Variants in ZSCAN20 observed in about 807,000 individuals in gnomAD.
The protein encoded by ZSCAN20 is zinc finger and SCAN domain-containing protein 20.
A neutral mutation model predicts 97.1 loss-of-function variants in ZSCAN20; 39 were observed. That is an observed-to-expected ratio of 0.40 (90% CI 0.31 to 0.52). ZSCAN20 has a LOEUF of 0.52. ZSCAN20 is among the 20% of genes least tolerant of loss of function. The pLI is 0.49. For synonymous variants in ZSCAN20, 456 were observed against 467.3 expected (o/e 0.98, Z 0.31); for missense variants, 1,115 against 1,290.4 (o/e 0.86, Z 2.08).
At position 33,494,387 on chromosome 1, in the gene ZSCAN20, A is replaced by G. The variant is rs1652754385; in HGVS notation, c.2043A>G (p.Ser681=). ...NEDEGQWGNP[S]QEQWQESSSE... is the part of the protein sequence containing the mutation. ...ATGAAGGGCAGTGGGGAAATCCCTCACAGGAACAGTGGCAAGAAAGTTCTT... is the reference window on the plus strand; with the variant it reads ...ATGAAGGGCAGTGGGGAAATCCCTCGCAGGAACAGTGGCAAGAAAGTTCTT... The change falls in exon 8 of 8, where the codon TCA becomes TCG. Residue 681 remains serine, a synonymous_variant. Coordinates refer to ENST00000684572, the MANE Select transcript of ZSCAN20 (RefSeq NM_001377376.1). The G allele has an allele frequency of 5.6e-6, 9 of 1,614,154 alleles. No homozygotes were observed. In the East Asian group the frequency reaches 2.0e-4, roughly 36 times the overall value.
In ZSCAN20 at chr1:33,490,650, AAC is replaced by A. The variant is rs372552175; in HGVS notation, c.767-342_767-341del. Among the ~76,000 whole-genome samples, 671 of 141,168 alleles carry A rather than the reference AAC, an allele frequency of 4.8e-3. 5 individuals carry two copies. The highest frequency in any genetic ancestry group is 0.014 in the African/African-American group (534 of 37,570). The allele number at this position is 141,168 out of a possible 152,430, so 92.6% of individuals were successfully genotyped here. A position where few individuals can be genotyped will look rare whatever the true frequency, so the allele number is the denominator to read the frequency against. On this transcript the variant is annotated intron_variant, in intron 5 of 7. Coordinates refer to ENST00000684572, the MANE Select transcript of ZSCAN20 (RefSeq NM_001377376.1). ...AGGACAGAGACTCACTACACACACA[AAC>A]ACACACACACACACACACACACACA...
chr1:33,490,091 T>A (rs1437695645), intron 5 of ZSCAN20, among the ~76,000 whole-genome samples: 1 of 152,202 alleles, frequency 6.6e-6, no homozygotes, highest in Non-Finnish European at 1.5e-5. Flanking sequence ...GGGAGCCGTT[T>A]CCCTGTGGAG....
intron 2 of ZSCAN20, among the ~76,000 whole-genome samples, chr1:33,485,718 T>G (rs1652339251): frequency 6.6e-6 from 1 of 152,158 alleles, no homozygotes; most frequent in African/African-American, 2.4e-5. Flanking sequence ...TGGACTGTCT[T>G]TTTTCTTAGT....
Position 33,479,123 on chromosome 1 carries a change from G to A in ZSCAN20, c.-110-56G>A, listed in dbSNP as rs531857561. ...GGCGGAAGATATGGGGGAAGGGGGA[G>A]AATGAAGCTTCTGCATCCTTTTGCT... On this transcript the variant is annotated intron_variant, in intron 1 of 7. Transcript: ENST00000684572. The A allele has an allele frequency of 4.5e-5, 31 of 685,380 alleles. 1 individual carries two copies. The highest frequency in any genetic ancestry group is 3.0e-4 in the Admixed American group (10 of 33,336). 42.5% of individuals were successfully genotyped at this position (685,380 alleles called of 1,614,324 possible).
chr1:33,498,031 T>C lies in ZSCAN20; in HGVS notation c.*2555T>C, dbSNP rs528797331. 1.8e-4 allele frequency among the ~76,000 whole-genome samples: 28 copies of C among 152,266 alleles called. No individual in the cohort carries two copies. The highest frequency in any genetic ancestry group is 4.6e-4 in the Admixed American group (7 of 15,284). ...AAAGGAAGAATTTCAGTTTCAAATA[T>C]TGGGCCTAGGACAGAGCTACTTGAT... On this transcript the variant is annotated 3_prime_UTR_variant, in exon 8 of 8. Coordinates refer to ENST00000684572, the MANE Select transcript of ZSCAN20 (RefSeq NM_001377376.1).
At chr1:33,483,245 G>A (rs780645937) in intron 2 of ZSCAN20, among the ~76,000 whole-genome samples, 207 of 110,066 alleles carry the variant, frequency 1.9e-3, no homozygotes, top group Non-Finnish European at 2.7e-3. Context: ...TGAAGGATAG[G>A]ATAGAAGCTT....
Position 33,479,688 on chromosome 1 carries a change from A to T in ZSCAN20, c.400A>T (p.Arg134Trp). Residue 134 changes from arginine (R) to tryptophan (W), a missense_variant, in exon 2 of 8, where the codon AGG becomes TGG. By Grantham distance (101) the Arg-to-Trp change is moderately radical (BLOSUM62 -3). Around this residue, in one of 3 missense-constraint regions of ZSCAN20, gnomAD observed 508 missense variants for 611.2 expected, o/e 0.83. Coordinates refer to ENST00000684572, the MANE Select transcript of ZSCAN20 (RefSeq NM_001377376.1). ...ALVEDWHRET[R>W]TAGQSGLELH... Reference sequence around the variant, plus strand: ...GGTGGAGGATTGGCACCGAGAGACCAGGACTGCAGGACAGTCGGTGAGACA... The same window carrying T: ...GGTGGAGGATTGGCACCGAGAGACCTGGACTGCAGGACAGTCGGTGAGACA... 1 of 1,553,548 alleles carries T rather than the reference A, an allele frequency of 6.4e-7. No homozygotes were observed. The highest frequency in any genetic ancestry group is 8.7e-7 in the Non-Finnish European group (1 of 1,153,376).
In ZSCAN20 at chr1:33,493,069, T is replaced by G. The variant is rs549830170; in HGVS notation, c.1445-118T>G. ...AGCAAAGGGATATTCTCCAGGTACC[T>G]GGATAGTTTCTGACATGCCTATGTT... is the stretch of plus-strand genomic sequence containing the variant. On this transcript the variant is annotated intron_variant, in intron 6 of 7. Transcript: ENST00000684572. The surrounding 1 kb of genome is among the most constrained non-coding windows in gnomAD (Gnocchi z 4.3). 22 of 1,068,594 alleles carry G rather than the reference T, an allele frequency of 2.1e-5. No individual in the cohort carries two copies. The highest frequency in any genetic ancestry group is 2.4e-5 in the Non-Finnish European group (18 of 744,596). 66.2% of individuals were successfully genotyped at this position (1,068,594 alleles called of 1,614,324 possible).
rs1013643757 is a variant in ZSCAN20 at position 33,488,709 on chromosome 1, G to A, written c.604+58G>A. 8 of 1,541,732 alleles carry A rather than the reference G, an allele frequency of 5.2e-6. No homozygotes were observed. The African/African-American group carries it at 9.7e-5, about 19-fold the overall frequency. ...CCTTCTGCAGGGGAGAGGGATGGGAGGTGAGGAAGGGTGCATGGGGAAGAA... is the reference window on the plus strand; with the variant it reads ...CCTTCTGCAGGGGAGAGGGATGGGAAGTGAGGAAGGGTGCATGGGGAAGAA... On this transcript the variant is annotated intron_variant, in intron 3 of 7. Transcript: ENST00000684572.
Position 33,491,489 on chromosome 1 carries a change from G to T in ZSCAN20, c.1231G>T (p.Ala411Ser), listed in dbSNP as rs1343109049. The T allele has an allele frequency of 5.0e-6, 8 of 1,613,958 alleles. No homozygotes were observed. The highest frequency in any genetic ancestry group is 6.8e-6 in the Non-Finnish European group (8 of 1,179,982). The change falls in exon 6 of 8, where the codon GCT (alanine) becomes TCT (serine). Residue 411 changes from alanine (A) to serine (S), a missense_variant. By Grantham distance (99) the Ala-to-Ser change is moderately conservative. This residue lies in a region of ZSCAN20 where 508 missense variants were observed against 611.2 expected (regional missense o/e 0.83). Transcript: ENST00000684572. The surrounding 1 kb of genome is among the most constrained non-coding windows in gnomAD (Gnocchi z 4.3). The part of the protein sequence containing the change: ...FYEELEALVR[A>S]RTAIRATDGP... The stretch of plus-strand genomic sequence containing the variant: ...TGAGGAGCTGGAGGCCCTGGTCAGG[G>T]CTCGGACAGCCATCAGAGCCACAGA...
In ZSCAN20 at chr1:33,493,764, C is replaced by T. The variant is rs561486843; in HGVS notation, c.1873+149C>T. The stretch of plus-strand genomic sequence containing the variant: ...TTCTGCTTTGCTCAGATTATCCAGT[C>T]TCTAGCTTTGTGTGATCCCCCGAAT... On this transcript the variant is annotated intron_variant, in intron 7 of 7. Transcript: ENST00000684572. This position sits in a 1 kb window ranked among gnomAD's most constrained non-coding sequence, Gnocchi z 4.3. 1.1e-5 allele frequency: 10 copies of T among 891,880 alleles called. No individual in the cohort carries two copies. The African/African-American group carries it at 1.7e-4, about 15-fold the overall frequency. 55.2% of individuals were successfully genotyped at this position (891,880 alleles called of 1,614,324 possible).
In ZSCAN20 at chr1:33,480,753, G is replaced by A. The variant is rs368891922; in HGVS notation, c.417+1048G>A. ...AAATGAAAGTATGGATTTAACATTCGCAGTTTCAACAATTTGCAAGTGACC... is the reference window on the plus strand; with the variant it reads ...AAATGAAAGTATGGATTTAACATTCACAGTTTCAACAATTTGCAAGTGACC... On this transcript the variant is annotated intron_variant, in intron 2 of 7. Coordinates refer to ENST00000684572, the MANE Select transcript of ZSCAN20 (RefSeq NM_001377376.1). 3.3e-5 allele frequency among the ~76,000 whole-genome samples: 5 copies of A among 152,260 alleles called. No individual in the cohort carries two copies. In the East Asian group the frequency reaches 5.8e-4, roughly 18 times the overall value.
intron 2 of ZSCAN20, among the ~76,000 whole-genome samples, chr1:33,483,356 A>C (rs1652228070): frequency 6.6e-6 from 1 of 151,706 alleles, no homozygotes; most frequent in Non-Finnish European, 1.5e-5. Flanking sequence ...TCAGTCGACT[A>C]TCTTTATGTG....
Position 33,495,153 on chromosome 1 carries a change from G to A in ZSCAN20, c.2809G>A (p.Gly937Arg), listed in dbSNP as rs370741667. The change falls in exon 8 of 8, where the codon GGG (glycine) becomes AGG (arginine). Residue 937 changes from glycine to arginine, a missense_variant. Coordinates refer to ENST00000684572, the MANE Select transcript of ZSCAN20 (RefSeq NM_001377376.1). Reference protein sequence around the residue: ...GEKPYKCVDCGKCFSERSKLI... With the variant: ...GEKPYKCVDCRKCFSERSKLI... ...GAAGCCGTATAAATGTGTGGACTGT[G>A]GGAAGTGCTTCAGTGAGCGCTCCAA... 5 of 1,613,924 alleles carry A rather than the reference G, an allele frequency of 3.1e-6. No individual in the cohort carries two copies. Among genetic ancestry groups the A allele is most frequent in the Admixed American group, 1.7e-5 (1 of 60,012 alleles).
chr1:33,491,019 T>C lies in ZSCAN20; in HGVS notation c.767-6T>C, dbSNP rs200299591. On this transcript the variant is annotated splice_region_variant and splice_polypyrimidine_tract_variant and intron_variant, in intron 5 of 7. Coordinates refer to ENST00000684572, the MANE Select transcript of ZSCAN20 (RefSeq NM_001377376.1). The surrounding 1 kb of genome is among the most constrained non-coding windows in gnomAD (Gnocchi z 4.3). ...TTCTACTCTGTCATTTCTCTTCCTT[T>C]TGTAGGAGTTCCAGTTTCAAAACCA... 1.9e-4 allele frequency: 299 copies of C among 1,588,644 alleles called. 2 individuals are homozygous for C. Among genetic ancestry groups the C allele is most frequent in the Non-Finnish European group, 3.2e-5 (38 of 1,169,964 alleles).
At position 33,500,497 on chromosome 1, in the gene ZSCAN20, G is replaced by C. The variant is rs144770302; in HGVS notation, c.*5021G>C. Reference sequence around the variant, plus strand: ...TGGTTAAGTCAAGAGCATTAGAAGAGTAAAAAGAAGAATACAATTAGATAA... The same window carrying C: ...TGGTTAAGTCAAGAGCATTAGAAGACTAAAAAGAAGAATACAATTAGATAA... On this transcript the variant is annotated 3_prime_UTR_variant, in exon 8 of 8. Coordinates refer to ENST00000684572, the MANE Select transcript of ZSCAN20 (RefSeq NM_001377376.1). Among the ~76,000 whole-genome samples the C allele has an allele frequency of 4.2e-3, 646 of 152,220 alleles. 5 individuals are homozygous for C. The highest frequency in any genetic ancestry group is 0.015 in the African/African-American group (616 of 41,534).
chr1:33,491,253 A>G lies in ZSCAN20; in HGVS notation c.995A>G (p.Lys332Arg), dbSNP rs375635193. The G allele has an allele frequency of 5.6e-6, 9 of 1,614,078 alleles. No individual in the cohort carries two copies. The highest frequency in any genetic ancestry group is 7.6e-6 in the Non-Finnish European group (9 of 1,180,054). The change falls in exon 6 of 8, where the codon AAG (lysine) becomes AGG (arginine). Residue 332 changes from lysine to arginine, a missense_variant. Transcript: ENST00000684572. The surrounding 1 kb of genome is among the most constrained non-coding windows in gnomAD (Gnocchi z 4.3). ...GTTCACTGGGGCTATGAGGAGACCA[A>G]GACTTTCCTGGCAATTTTGAGTGAA... Reference protein sequence around the residue: ...SGVHWGYEETKTFLAILSESP... With the variant: ...SGVHWGYEETRTFLAILSESP...
rs1652955275 is a variant in ZSCAN20, at chr1:33,498,597, G to T, written c.*3121G>T. On this transcript the variant is annotated 3_prime_UTR_variant, in exon 8 of 8. Transcript: ENST00000684572. ...TACACACCCTGAGCTTTGCTAGCGT[G>T]ATTCTGCTCTTGGGAAGTAGATTCA... 6.6e-6 allele frequency among the ~76,000 whole-genome samples: 1 copy of T among 152,208 alleles called. No homozygotes were observed. Among genetic ancestry groups the T allele is most frequent in the African/African-American group, 2.4e-5 (1 of 41,436 alleles).
rs374452382 is a variant in ZSCAN20 at position 33,494,802 on chromosome 1, A to G, written c.2458A>G (p.Asn820Asp). The G allele has an allele frequency of 6.2e-7, 1 of 1,614,042 alleles. No individual in the cohort carries two copies. The highest frequency in any genetic ancestry group is 1.3e-5 in the African/African-American group (1 of 74,936). Residue 820 changes from asparagine to aspartate, a missense_variant, in exon 8 of 8, where the codon AAT becomes GAT. Physicochemically the swap from Asn to Asp is conservative, Grantham distance 23. This residue lies in a region of ZSCAN20 where 554 missense variants were observed against 584.9 expected (regional missense o/e 0.95). Coordinates refer to ENST00000684572, the MANE Select transcript of ZSCAN20 (RefSeq NM_001377376.1). ...LKHQRIHLGG[N>D]PDQCSEPGGN... ...ACATCAGAGAATCCACTTGGGAGGAAATCCTGACCAGTGTAGTGAGCCTGG... is the reference window on the plus strand; with the variant it reads ...ACATCAGAGAATCCACTTGGGAGGAGATCCTGACCAGTGTAGTGAGCCTGG...
Sources: gnomAD v4.1 joint callset for allele counts (sites outside exome capture counted in the v4.1 genomes callset) on GRCh38, gnomAD v4.1.1 for gene constraint, gnomAD v4.1.1 regional missense constraint, Gnocchi (gnomAD v3.1) non-coding constraint, MANE v1.5 for transcripts, NCBI Gene and HGNC (gene_info 2026-07-23, HGNC 2026-07-21) for gene names.